The following PKD1L1 variants were observed in gnomAD, a reference collection of about 807,000 sequenced individuals.
PKD1L1 encodes the protein polycystin-1-like protein 1.
Under a neutral mutation model 323.4 loss-of-function variants are expected in PKD1L1, and 236 were observed. The ratio of observed to expected loss-of-function variants is 0.73; its 90% confidence interval spans 0.66 to 0.81. The LOEUF (loss-of-function observed/expected upper bound fraction) is 0.81, where lower values mean the gene tolerates loss of function less well. Ranked by LOEUF, PKD1L1 falls within the 40% of genes least tolerant of loss-of-function variation. PKD1L1 has a pLI of 0.00. For synonymous variants in PKD1L1, 1,344 were observed against 1,335.0 expected (o/e 1.01, Z -0.15); for missense variants, 3,320 against 3,508.0 (o/e 0.95, Z 1.35).
At chr7:47,848,965 T>A (rs146535019) in intron 31 of PKD1L1, among the ~76,000 whole-genome samples, 173 of 152,274 alleles carry the variant, frequency 1.1e-3, no homozygotes, top group African/African-American at 3.9e-3. Context: ...AGGCTATAGT[T>A]ACCAACACAG....
intron 15 of PKD1L1, among the ~76,000 whole-genome samples, chr7:47,893,154 C>T (rs1049571508): frequency 2.8e-5 from 4 of 143,878 alleles, no homozygotes; most frequent in East Asian, 4.3e-4. Context: ...TGCTTGAATC[C>T]GGGAGGCGGA....
At chr7:47,949,499 C>T (rs570806022), upstream of PKD1L1, among the ~76,000 whole-genome samples, 3 of 151,802 alleles carry the variant, frequency 2.0e-5, no homozygotes, top group Admixed American at 6.6e-5. Context: ...CTCTGTCTTA[C>T]GGCAGAACCT....
At chr7:47,812,223 C>T (rs1488688550) in intron 49 of PKD1L1, among the ~76,000 whole-genome samples, 172 bp from the exon 50 acceptor site, 2 of 152,090 alleles carry the variant, frequency 1.3e-5, no homozygotes, top group Non-Finnish European at 2.9e-5. Context: ...ATCTAAGAGA[C>T]CTCATCAATA....
intron 23 of PKD1L1, among the ~76,000 whole-genome samples, chr7:47,874,277 G>A (rs1786352771): frequency 1.3e-5 from 2 of 152,118 alleles, no homozygotes; most frequent in African/African-American, 4.8e-5. Context: ...TGACAGAGGG[G>A]ACTTTTTAAA....
intron 50 of PKD1L1, among the ~76,000 whole-genome samples, chr7:47,810,024 A>G (rs575120481): frequency 6.6e-6 from 1 of 152,276 alleles, no homozygotes; most frequent in South Asian, 2.1e-4. Flanking sequence ...GCTCCCTTAT[A>G]AGCACTTTCT....
intron 42 of PKD1L1, among the ~76,000 whole-genome samples, chr7:47,830,665 C>T (rs78911322): frequency 2.1e-3 from 318 of 152,166 alleles, no homozygotes; most frequent in African/African-American, 7.5e-3. Context: ...AGGGGAGAGA[C>T]GGGAAGAAAG....
chr7:47,781,387 G>GTTTTTT (rs200570381), intron 56 of PKD1L1, among the ~76,000 whole-genome samples: 1 of 121,702 alleles, frequency 8.2e-6, no homozygotes. Flanking sequence ...AGAACAAAAG[G>GTTTTTT]TTTTTTTTTT....
intron 21 of PKD1L1, among the ~76,000 whole-genome samples, chr7:47,879,885 A>G (rs1786498174): frequency 8.0e-6 from 1 of 125,452 alleles, no homozygotes; most frequent in Non-Finnish European, 1.6e-5. Context: ...GTGAGCCAAG[A>G]TCGGGCCACT....
Position 47,840,270 on chromosome 7 carries a change from G to C in PKD1L1, c.5552+191C>G, listed in dbSNP as rs368362160. On this transcript the variant is annotated intron_variant, in intron 35 of 56. Coordinates refer to ENST00000289672, the MANE Select transcript of PKD1L1 (RefSeq NM_138295.5). The surrounding 1 kb of genome is among the most constrained non-coding windows in gnomAD (Gnocchi z 4.1). ...CCCACCCTCCTTCCTTCCTTGCCTC[G>C]CATAAACCTATTGTTTAATCTACTC... 6.6e-6 allele frequency among the ~76,000 whole-genome samples: 1 copy of C among 151,974 alleles called. No homozygotes were observed. Among genetic ancestry groups the C allele is most frequent in the East Asian group, 1.9e-4 (1 of 5,198 alleles).
At chr7:47,834,869 A>G in intron 39 of PKD1L1, 98 bp downstream of exon 39, 1 of 997,632 alleles carries the variant, frequency 1.0e-6, no homozygotes, top group South Asian at 1.6e-5. Flanking sequence ...AATAAACATA[A>G]TGCAAATTGA....
rs1238213359 is a variant in PKD1L1, at chr7:47,830,059, A to G, written c.6539T>C (p.Phe2180Ser). 6.2e-7 allele frequency: 1 copy of G among 1,614,194 alleles called. No homozygotes were observed. The highest frequency in any genetic ancestry group is 1.7e-5 in the Admixed American group (1 of 60,024). The change falls in exon 43 of 57, where the codon TTC (phenylalanine) becomes TCC (serine). Residue 2180 changes from phenylalanine to serine, a missense_variant. Phe to Ser is a radical substitution (Grantham distance 155). Coordinates refer to ENST00000289672, the MANE Select transcript of PKD1L1 (RefSeq NM_138295.5). ...TCTTACCATAAGTGGCTGGGTGATG[A>G]AAATACAGCAGACCACGGAGAGGGA... ...LLSLSVVCCI[F>S]ITQPLMVCLM...
intron 49 of PKD1L1, 76 bp downstream of exon 49, chr7:47,813,045 G>T: frequency 1.3e-6 from 2 of 1,523,768 alleles, no homozygotes; most frequent in Admixed American, 1.9e-5. Context: ...CTGCAGATGC[G>T]CTGCGTCCAG....
Position 47,855,023 on chromosome 7 carries a change from T to G in PKD1L1, c.4718A>C (p.Lys1573Thr). Residue 1573 changes from lysine to threonine, a missense_variant, in exon 30 of 57, where the codon AAA (lysine) becomes ACA (threonine). Coordinates refer to ENST00000289672, the MANE Select transcript of PKD1L1 (RefSeq NM_138295.5). ...EEDGLDNRRN[K>T]TTFVLLRDKV... is the part of the protein sequence containing the mutation. ...ATCCCGAAGTAATACAAATGTCGTT[T>G]TATTTCTCCTATTATCCTGTCATCA... 6.2e-7 allele frequency: 1 copy of G among 1,612,808 alleles called. No homozygotes were observed. The highest frequency in any genetic ancestry group is 8.5e-7 in the Non-Finnish European group (1 of 1,179,720).
chr7:47,830,589 A>T (rs1358538023), intron 42 of PKD1L1, among the ~76,000 whole-genome samples: 1 of 152,198 alleles, frequency 6.6e-6, no homozygotes. Context: ...GAGCAAACTG[A>T]GGCACAAGAG....
chr7:47,915,913 TCTTA>T (rs1787420601), intron 7 of PKD1L1, among the ~76,000 whole-genome samples: 1 of 152,124 alleles, frequency 6.6e-6, no homozygotes, highest in Non-Finnish European at 1.5e-5. Context: ...AAATTAAAAT[TCTTA>T]ACAGATGAAT....
intron 24 of PKD1L1, among the ~76,000 whole-genome samples, chr7:47,873,513 GGC>G (rs1203571144): frequency 2.6e-5 from 4 of 151,898 alleles, no homozygotes; most frequent in East Asian, 1.9e-4. Context: ...CAGGCTTGGT[GGC>G]GCACACCTGT....
At chr7:47,943,160 AAAAATATATATATAT>A (rs1486986641) in intron 2 of PKD1L1, among the ~76,000 whole-genome samples, 1 of 54,128 alleles carries the variant, frequency 1.8e-5, no homozygotes, top group African/African-American at 7.2e-5. Context: ...AAAAAAAAAA[AAAAATATATATATAT>A]ATATATATAT....
At chr7:47,887,898 A>G (rs1786718606) in intron 17 of PKD1L1, 92 bp downstream of exon 17, 1 of 1,288,332 alleles carries the variant, frequency 7.8e-7, no homozygotes. Context: ...ACACTGGGTC[A>G]TACCAAATGT....
chr7:47,914,840 C>A (rs2128752641), intron 8 of PKD1L1, among the ~76,000 whole-genome samples: 1 of 152,076 alleles, frequency 6.6e-6, no homozygotes, highest in African/African-American at 2.4e-5. Flanking sequence ...AGCAAAGGGG[C>A]TCAGCAGATA....
Sources: gnomAD v4.1 joint callset for allele counts (sites outside exome capture counted in the v4.1 genomes callset) on GRCh38, gnomAD v4.1.1 for gene constraint, Gnocchi (gnomAD v3.1) non-coding constraint, MANE v1.5 for transcripts, NCBI Gene and HGNC (gene_info 2026-07-23, HGNC 2026-07-21) for gene names.